Variants in ITFG1 observed in about 807,000 individuals in gnomAD.
ITFG1 encodes integrin alpha FG-GAP repeat containing 1.
In ITFG1, 34 loss-of-function variants were observed where a neutral mutation model predicts 81.8. The observed-to-expected ratio is 0.42, with a 90% CI of 0.32 to 0.55. ITFG1 has a LOEUF of 0.55. ITFG1 is among the 20% of genes least tolerant of loss of function. ITFG1 has a pLI of 0.17. For synonymous variants in ITFG1, 285 were observed against 270.6 expected, an observed-to-expected ratio of 1.05 and a Z score of -0.52; for missense variants, 672 against 755.4, an observed-to-expected ratio of 0.89 and a Z score of 1.29.
At chr16:47,192,485 A>C (rs1361262364) in intron 14 of ITFG1, among the ~76,000 whole-genome samples, 4 of 152,236 alleles carry the variant, frequency 2.6e-5, no homozygotes, top group Non-Finnish European at 5.9e-5. Flanking sequence ...AGCTTTGCTC[A>C]ACTATAATCC....
intron 8 of ITFG1, among the ~76,000 whole-genome samples, chr16:47,328,040 T>A (rs1359499719): frequency 6.6e-6 from 1 of 152,190 alleles, no homozygotes; most frequent in African/African-American, 2.4e-5. Context: ...ACTGCGGCAC[T>A]ATTCAGAATA....
At chr16:47,389,731 A>G (rs1433165118) in intron 6 of ITFG1, among the ~76,000 whole-genome samples, 1 of 152,234 alleles carries the variant, frequency 6.6e-6, no homozygotes, top group Non-Finnish European at 1.5e-5. Context: ...ACATATCTGA[A>G]GTAGATTCTG....
At position 47,461,020 on chromosome 16, in the gene ITFG1, C is replaced by T. The variant is rs780205819; in HGVS notation, c.26G>A (p.Ser9Asn). The change falls in exon 1 of 18, where the codon AGC (serine) becomes AAC (asparagine). Residue 9 changes from serine (S) to asparagine (N), a missense_variant. By Grantham distance (46) the Ser-to-Asn change is conservative. Around this residue, in one of 3 missense-constraint regions of ITFG1, gnomAD observed 47 missense variants for 26.4 expected, o/e 1.78. Transcript: ENST00000320640. MAAAGRLPSSWALFSPLLA... is the reference protein window; with the variant it reads MAAAGRLPNSWALFSPLLA... ...GAGCGGCGAGAAGAGGGCCCAGGAG[C>T]TCGGGAGCCGGCCCGCCGCCGCCAT... 3 of 1,546,430 alleles carry T rather than the reference C, an allele frequency of 1.9e-6. No individual in the cohort carries two copies. Among genetic ancestry groups the T allele is most frequent in the Admixed American group, 2.0e-5 (1 of 51,196 alleles).
At chr16:47,440,390 T>C (rs1969230447) in intron 5 of ITFG1, among the ~76,000 whole-genome samples, 1 of 152,222 alleles carries the variant, frequency 6.6e-6, no homozygotes, top group African/African-American at 2.4e-5. Flanking sequence ...TACATTCTTT[T>C]CAGCATCACA....
At chr16:47,385,251 A>G (rs1280461966) in intron 6 of ITFG1, among the ~76,000 whole-genome samples, 2 of 152,232 alleles carry the variant, frequency 1.3e-5, no homozygotes, top group Non-Finnish European at 2.9e-5. Flanking sequence ...TAATTTATTA[A>G]AATAATGAGG....
At chr16:47,331,295 G>A (rs1967633977) in intron 8 of ITFG1, among the ~76,000 whole-genome samples, 1 of 152,054 alleles carries the variant, frequency 6.6e-6, no homozygotes, top group African/African-American at 2.4e-5. Context: ...GATAGAAACA[G>A]ACACTGGGGA....
chr16:47,313,683 C>A, intron 9 of ITFG1, 46 bp downstream of exon 9: 1 of 1,055,770 alleles, frequency 9.5e-7, no homozygotes, highest in Non-Finnish European at 1.4e-6. Flanking sequence ...GATTTTTTTC[C>A]AAGCACATAA....
At chr16:47,218,766 T>TTATAC in intron 14 of ITFG1, 102 bp downstream of exon 14, 4 of 538,604 alleles carry the variant, frequency 7.4e-6, no homozygotes, top group Non-Finnish European at 1.3e-5. Flanking sequence ...AGTGAAGATG[T>TTATAC]TATTAAGGAG....
chr16:47,345,509 G>A (rs1967841432), intron 8 of ITFG1, among the ~76,000 whole-genome samples: 1 of 152,060 alleles, frequency 6.6e-6, no homozygotes, highest in African/African-American at 2.4e-5. Flanking sequence ...ATGTTGGCCA[G>A]GCTGGTCTTG....
intron 10 of ITFG1, among the ~76,000 whole-genome samples, chr16:47,274,892 C>T (rs1398190328): frequency 6.6e-6 from 1 of 152,158 alleles, no homozygotes; most frequent in East Asian, 1.9e-4. Flanking sequence ...AAAAGCCTTT[C>T]AGAAAGTCCA....
At chr16:47,420,239 T>C (rs191628442) in intron 6 of ITFG1, among the ~76,000 whole-genome samples, 2 of 151,012 alleles carry the variant, frequency 1.3e-5, no homozygotes, top group East Asian at 3.9e-4. Flanking sequence ...ATTAGTTGAT[T>C]TTTTTTATGT....
At chr16:47,323,664 T>C (rs1967483771) in intron 8 of ITFG1, among the ~76,000 whole-genome samples, 1 of 152,184 alleles carries the variant, frequency 6.6e-6, no homozygotes, top group Non-Finnish European at 1.5e-5. Context: ...TCATGACCTA[T>C]TCTTTTTCCT....
In ITFG1 at chr16:47,251,589, AG is replaced by A. The variant is rs1175757607; in HGVS notation, c.1330+7042del. On this transcript the variant is annotated intron_variant, in intron 12 of 17. Transcript: ENST00000320640. ...CCCCCACCCTAAACAGAACATGCAC[AG>A]GAACAGGAGGGAATTTCAAAGATGA... 3.3e-5 allele frequency among the ~76,000 whole-genome samples: 5 copies of A among 152,354 alleles called. No individual in the cohort carries two copies. In the East Asian group the frequency reaches 9.6e-4, roughly 29 times the overall value.
At chr16:47,179,348 T>G (rs1354290476) in intron 14 of ITFG1, among the ~76,000 whole-genome samples, 2 of 152,094 alleles carry the variant, frequency 1.3e-5, no homozygotes, top group African/African-American at 4.8e-5. Context: ...CAATGATAGA[T>G]TGGATTAAGA....
chr16:47,270,010 C>T lies in ITFG1; in HGVS notation c.1071-9315G>A, dbSNP rs555027776. On this transcript the variant is annotated intron_variant, in intron 10 of 17. Transcript: ENST00000320640. ...ACTGATTTTCATCATGGATCAAAGG[C>T]AATTGAGTGGAAAAAGAAAATATTT... is the stretch of plus-strand genomic sequence containing the variant. Among the ~76,000 whole-genome samples, 4 of 152,080 alleles carry T rather than the reference C, an allele frequency of 2.6e-5. No homozygotes were observed. The East Asian group carries it at 5.8e-4, about 22-fold the overall frequency.
chr16:47,254,009 A>T (rs932248323), intron 12 of ITFG1, among the ~76,000 whole-genome samples: 2 of 152,140 alleles, frequency 1.3e-5, no homozygotes, highest in African/African-American at 4.8e-5. Context: ...TACACCAGAC[A>T]TGAGTATCAA....
intron 10 of ITFG1, among the ~76,000 whole-genome samples, chr16:47,287,708 G>GT (rs1368262987): frequency 6.6e-6 from 1 of 152,086 alleles, no homozygotes; most frequent in Non-Finnish European, 1.5e-5. Context: ...AGGGTTGTCT[G>GT]TTTTTGATTC....
At chr16:47,324,408 C>T (rs529681223) in intron 8 of ITFG1, among the ~76,000 whole-genome samples, 132 of 152,184 alleles carry the variant, frequency 8.7e-4, no homozygotes, top group African/African-American at 2.9e-3. Flanking sequence ...ACCATCAAGG[C>T]TAGGAAGAAA....
intron 6 of ITFG1, among the ~76,000 whole-genome samples, chr16:47,397,249 A>G (rs983230745): frequency 6.6e-6 from 1 of 152,164 alleles, no homozygotes; most frequent in African/African-American, 2.4e-5. Context: ...GCAAGAATGC[A>G]GATGAGAGCT....
Sources: gnomAD v4.1 joint callset for allele counts (sites outside exome capture counted in the v4.1 genomes callset) on GRCh38, gnomAD v4.1.1 for gene constraint, gnomAD v4.1.1 regional missense constraint, MANE v1.5 for transcripts, NCBI Gene and HGNC (gene_info 2026-07-23, HGNC 2026-07-21) for gene names.